Variants in EIF4E3 observed in about 807,000 individuals in gnomAD.
EIF4E3 encodes eukaryotic translation initiation factor 4E type 3.
A neutral mutation model predicts 31.7 loss-of-function variants in EIF4E3; 26 were observed. The observed-to-expected ratio is 0.82, with a 90% confidence interval of 0.60 to 1.14. EIF4E3 has a LOEUF of 1.14. Ranked by LOEUF, EIF4E3 falls within the 50% of genes most tolerant of loss-of-function variation. EIF4E3 has a pLI of 0.00. For synonymous variants in EIF4E3, 128 were observed against 107.7 expected (o/e 1.19, Z -1.17); for missense variants, 304 against 270.9 (o/e 1.12, Z -0.86).
chr3:71,754,391 G>A, upstream of EIF4E3: 1 of 1,346,208 alleles, frequency 7.4e-7, no homozygotes, highest in Non-Finnish European at 9.6e-7. The surrounding 1 kb of genome is among the most constrained non-coding windows in gnomAD (Gnocchi z 5.8). Context: ...TCCTGCTGCT[G>A]GGCGTGGGCG....
chr3:71,672,795 T>A (rs547311589), downstream of EIF4E3, among the ~76,000 whole-genome samples: 552 of 152,304 alleles, frequency 3.6e-3, 3 homozygotes, highest in African/African-American at 0.013. Context: ...CTTTTTTTTT[T>A]TAAACCTTTT....
upstream of EIF4E3, chr3:71,754,594 G>A: frequency 7.0e-7 from 1 of 1,424,546 alleles, no homozygotes; most frequent in Non-Finnish European, 9.2e-7. The surrounding 1 kb of genome is among the most constrained non-coding windows in gnomAD (Gnocchi z 5.8). Context: ...GGCGCCCCCG[G>A]CGCGCTGGGC....
At chr3:71,712,639 C>CGG (rs1553664400) in intron 1 of EIF4E3, among the ~76,000 whole-genome samples, 3 of 104,792 alleles carry the variant, frequency 2.9e-5, no homozygotes, top group African/African-American at 7.8e-5. Context: ...GGGGGGTGGG[C>CGG]GGGGGAGATT....
chr3:71,718,305 C>T (rs1281520148), intron 1 of EIF4E3, among the ~76,000 whole-genome samples: 1 of 152,188 alleles, frequency 6.6e-6, no homozygotes, highest in African/African-American at 2.4e-5. Flanking sequence ...GATCAAGAGT[C>T]GCATACAAAA....
chr3:71,724,574 G>A (rs2049600726), intron 1 of EIF4E3, among the ~76,000 whole-genome samples: 1 of 152,216 alleles, frequency 6.6e-6, no homozygotes, highest in Non-Finnish European at 1.5e-5. Flanking sequence ...GTCAGCTGCT[G>A]CTCATTATTG....
intron 1 of EIF4E3, among the ~76,000 whole-genome samples, chr3:71,738,402 C>T (rs1332837802): frequency 2.0e-5 from 3 of 151,794 alleles, no homozygotes; most frequent in Non-Finnish European, 2.9e-5. Flanking sequence ...CAACAAAATG[C>T]TATTTATAAA....
chr3:71,694,616 T>C (rs1342674667), intron 4 of EIF4E3, among the ~76,000 whole-genome samples: 1 of 152,200 alleles, frequency 6.6e-6, no homozygotes, highest in Non-Finnish European at 1.5e-5. Flanking sequence ...GCTACATTAT[T>C]TCCACACACA....
At chr3:71,689,450 G>A (rs1031159011) in intron 6 of EIF4E3, among the ~76,000 whole-genome samples, 8 of 152,136 alleles carry the variant, frequency 5.3e-5, no homozygotes, top group Non-Finnish European at 1.0e-4. Context: ...GGAAAACAAT[G>A]GGTCCACACA....
upstream of EIF4E3, chr3:71,753,956 C>T (rs2049968281): frequency 9.8e-6 from 10 of 1,024,272 alleles, no homozygotes; most frequent in Non-Finnish European, 1.2e-5. Flanking sequence ...TCGCCCAGGG[C>T]CGGCGGAGCG....
intron 5 of EIF4E3, among the ~76,000 whole-genome samples, chr3:71,691,602 T>C (rs2049064577): frequency 6.6e-6 from 1 of 152,202 alleles, no homozygotes; most frequent in African/African-American, 2.4e-5. Flanking sequence ...GCTGGTAATG[T>C]CCTGCTTGTA....
At chr3:71,723,035 A>T (rs892267035) in intron 1 of EIF4E3, among the ~76,000 whole-genome samples, 1 of 152,196 alleles carries the variant, frequency 6.6e-6, no homozygotes, top group African/African-American at 2.4e-5. Flanking sequence ...GGGAGGTAGG[A>T]TGCCAAAGGG....
At position 71,743,429 on chromosome 3, in the gene EIF4E3, C is replaced by T. The variant is rs139954687; in HGVS notation, c.-291+10034G>A. Among the ~76,000 whole-genome samples the T allele has an allele frequency of 1.5e-4, 23 of 152,104 alleles. No individual in the cohort carries two copies. The East Asian group carries it at 4.3e-3, about 28-fold the overall frequency. On this transcript the variant is annotated intron_variant, in intron 1 of 7. Transcript: ENST00000295612. ...ATAGATAATTCTGACACCAGATATA[C>T]AAGAACTATACACTGGGAAGTACAA... is the stretch of plus-strand genomic sequence containing the variant.
chr3:71,696,898 T>G (rs1438556180), intron 3 of EIF4E3, among the ~76,000 whole-genome samples: 2 of 151,832 alleles, frequency 1.3e-5, no homozygotes, highest in African/African-American at 4.8e-5. Context: ...TTTTGTATTT[T>G]TAGTAGAGAC....
chr3:71,682,305 G>C lies in EIF4E3; in HGVS notation c.*2377C>G, dbSNP rs902784255. 6.6e-6 allele frequency: 1 copy of C among 152,174 alleles called. No homozygotes were observed. The highest frequency in any genetic ancestry group is 6.5e-5 in the Admixed American group (1 of 15,278). The allele number at this position is 152,174 out of a possible 1,614,324, so 9.4% of individuals were successfully genotyped here. A position where few individuals can be genotyped will look rare whatever the true frequency, so the allele number is the denominator to read the frequency against. On this transcript the variant is annotated 3_prime_UTR_variant, in exon 7 of 7. Transcript: ENST00000425534. ...TACAAGGCTGCCCCTGCAAGCACTT[G>C]GATGAAAAGACCGGGATTCTACTGG... is the stretch of plus-strand genomic sequence containing the variant.
In EIF4E3 at chr3:71,681,164, A is replaced by C. The variant is rs2048917659; in HGVS notation, c.*3518T>G. On this transcript the variant is annotated 3_prime_UTR_variant, in exon 7 of 7. Coordinates refer to ENST00000425534, the MANE Select transcript of EIF4E3 (RefSeq NM_001134651.2). ...GCTTTGACACATTTTTATTAGGTGC[A>C]TGAAAACTAAATGTCTTATTGCCAA... 6.6e-6 allele frequency: 1 copy of C among 152,244 alleles called. No homozygotes were observed. Among genetic ancestry groups the C allele is most frequent in the Non-Finnish European group, 1.5e-5 (1 of 68,028 alleles). The allele number at this position is 152,244 out of a possible 1,614,324, so 9.4% of individuals were successfully genotyped here. A position where few individuals can be genotyped will look rare whatever the true frequency, so the allele number is the denominator to read the frequency against.
chr3:71,713,306 T>C lies in EIF4E3; in HGVS notation c.177-2822A>G, dbSNP rs1375099941. 3.9e-5 allele frequency among the ~76,000 whole-genome samples: 6 copies of C among 152,242 alleles called. No homozygotes were observed. The East Asian group carries it at 1.2e-3, about 29-fold the overall frequency. ...TACAGGTGACCCATTTGTGATTTCC[T>C]GCTCTTCATCCCTCACTGCTGAGCT... On this transcript the variant is annotated intron_variant, in intron 1 of 6. Transcript: ENST00000425534.
Position 71,748,477 on chromosome 3 carries a change from TAGG to T in EIF4E3, c.-291+4983_-291+4985del, listed in dbSNP as rs537008620. ...TATAGGGAGTCCCTGGAGATGAAGG[TAGG>T]AGGAGGAGAAGAGAAGGGTACTGAG... is the stretch of plus-strand genomic sequence containing the variant. On this transcript the variant is annotated intron_variant, in intron 1 of 7. Coordinates refer to the EIF4E3 transcript ENST00000295612. 2.9e-3 allele frequency among the ~76,000 whole-genome samples: 436 copies of T among 151,902 alleles called. 1 individual carries two copies. Among genetic ancestry groups the T allele is most frequent in the Non-Finnish European group, 4.7e-3 (320 of 67,950 alleles).
chr3:71,670,540 GT>G (rs1017149568), downstream of EIF4E3, among the ~76,000 whole-genome samples: 41 of 152,250 alleles, frequency 2.7e-4, no homozygotes, highest in Admixed American at 8.5e-4. Context: ...ATAAAAAAAA[GT>G]TTTTGGTGGG....
At position 71,696,624 on chromosome 3, in the gene EIF4E3, T is replaced by C. The variant is rs961934174; in HGVS notation, c.345-104A>G. Reference sequence around the variant, plus strand: ...ACATTTAGTTTAACAACAGATGACCTTAAAAACAAAATAGTTGGGCATTTT... The same window carrying C: ...ACATTTAGTTTAACAACAGATGACCCTAAAAACAAAATAGTTGGGCATTTT... On this transcript the variant is annotated intron_variant, in intron 3 of 6. Coordinates refer to ENST00000425534, the MANE Select transcript of EIF4E3 (RefSeq NM_001134651.2). The C allele has an allele frequency of 6.0e-6, 8 of 1,331,284 alleles. No individual in the cohort carries two copies. In the African/African-American group the frequency reaches 1.0e-4, roughly 17 times the overall value. The allele number at this position is 1,331,284 out of a possible 1,614,324, so 82.5% of individuals were successfully genotyped here. A position where few individuals can be genotyped will look rare whatever the true frequency, so the allele number is the denominator to read the frequency against.
Sources: allele counts gnomAD v4.1 joint callset (sites outside exome capture counted in the v4.1 genomes callset), GRCh38; gene constraint gnomAD v4.1.1; non-coding constraint Gnocchi (gnomAD v3.1); transcripts MANE v1.5; gene names NCBI Gene and HGNC (gene_info 2026-07-23, HGNC 2026-07-21).